Variants in MGRN1 observed in about 807,000 individuals in gnomAD.
MGRN1 encodes the protein E3 ubiquitin-protein ligase MGRN1.
Under a neutral mutation model 69.2 loss-of-function variants are expected in MGRN1, and 29 were observed. The observed-to-expected ratio is 0.42, with a 90% CI of 0.31 to 0.57. MGRN1 has a LOEUF of 0.57. Ranked by LOEUF, MGRN1 falls within the 20% of genes least tolerant of loss-of-function variation. MGRN1 has a pLI of 0.15. For synonymous variants in MGRN1, 470 were observed against 344.2 expected, an observed-to-expected ratio of 1.37 and a Z score of -4.04; for missense variants, 998 against 796.2, an observed-to-expected ratio of 1.25 and a Z score of -3.05.
chr16:4,664,468 TTACTC>T (rs1396133005), intron 5 of MGRN1: 2 of 573,692 alleles, frequency 3.5e-6, no homozygotes, highest in East Asian at 2.9e-5. Context: ...TAGATGTACT[TTACTC>T]AACGCTGTTG....
At chr16:4,628,802 C>T (rs1008096726) in intron 1 of MGRN1, among the ~76,000 whole-genome samples, 1 of 152,008 alleles carries the variant, frequency 6.6e-6, no homozygotes, top group Non-Finnish European at 1.5e-5. Flanking sequence ...GCCTTGGCCT[C>T]CCAAAGTGCT....
chr16:4,629,150 A>ATATT (rs1555445266), intron 1 of MGRN1, among the ~76,000 whole-genome samples: 4,237 of 127,676 alleles, frequency 0.033, 221 homozygotes, highest in African/African-American at 0.12. Context: ...TTCTGTTCGT[A>ATATT]TGTGTGTGTG....
chr16:4,636,069 T>A (rs1256608334), intron 1 of MGRN1, among the ~76,000 whole-genome samples: 1 of 152,120 alleles, frequency 6.6e-6, no homozygotes. Flanking sequence ...CTGCAAGTGC[T>A]GGGATTACAG....
Position 4,682,954 on chromosome 16 carries a change from C to G in MGRN1, c.1482+8C>G. ...GAAAGCAGCTCCCCTGAGGTGAGGCCCCCCCGGGGAAGCTTTGCGCACCCG... is the reference window on the plus strand; with the variant it reads ...GAAAGCAGCTCCCCTGAGGTGAGGCGCCCCCGGGGAAGCTTTGCGCACCCG... On this transcript the variant is annotated splice_region_variant and intron_variant, in intron 14 of 16. Coordinates refer to ENST00000262370, the MANE Select transcript of MGRN1 (RefSeq NM_015246.4). 1 of 1,552,658 alleles carries G rather than the reference C, an allele frequency of 6.4e-7. No individual in the cohort carries two copies.
intron 9 of MGRN1, among the ~76,000 whole-genome samples, chr16:4,672,163 C>G (rs2078952558): frequency 6.6e-6 from 1 of 152,192 alleles, no homozygotes; most frequent in African/African-American, 2.4e-5. Flanking sequence ...CTCGGCCTCC[C>G]AAAGTGCTGG....
intron 4 of MGRN1, among the ~76,000 whole-genome samples, chr16:4,656,817 T>A (rs1295914668): frequency 6.6e-6 from 1 of 151,922 alleles, no homozygotes; most frequent in African/African-American, 2.4e-5. Flanking sequence ...AAGGCAGAGG[T>A]TGCAGTGAGC....
At chr16:4,687,010 C>T in intron 16 of MGRN1, 6 of 985,602 alleles carry the variant, frequency 6.1e-6, no homozygotes, top group Non-Finnish European at 7.2e-6. Context: ...CAGCCACCTG[C>T]TCCCCCGCTC....
intron 1 of MGRN1, among the ~76,000 whole-genome samples, chr16:4,638,864 G>T (rs1333364741): frequency 1.3e-5 from 2 of 152,204 alleles, no homozygotes; most frequent in East Asian, 3.8e-4. Context: ...GATGGCTGAG[G>T]CAGCCCAGTG....
intron 1 of MGRN1, among the ~76,000 whole-genome samples, chr16:4,627,496 G>C (rs4786529): frequency 0.71 from 108,161 of 152,250 alleles, 40,888 homozygotes; most frequent in East Asian, 0.86. Flanking sequence ...ATAGAATTGT[G>C]CAGTCGTCTG....
At chr16:4,676,629 C>T (rs1002964072) in intron 10 of MGRN1, among the ~76,000 whole-genome samples, 3 of 152,166 alleles carry the variant, frequency 2.0e-5, no homozygotes, top group African/African-American at 7.2e-5. Context: ...GGGCTGACGG[C>T]AGATGCATTG....
At chr16:4,640,943 C>A (rs986907801) in intron 1 of MGRN1, among the ~76,000 whole-genome samples, 3 of 152,192 alleles carry the variant, frequency 2.0e-5, no homozygotes, top group Middle Eastern at 3.2e-3. Flanking sequence ...AAAGTGTGGG[C>A]CTTGTCTGCC....
At chr16:4,688,713 TCTGGGGCTCCAGATCGGTAGGAGCGGGTG>T in intron 16 of MGRN1, 54 bp from the exon 17 acceptor site, 6 of 1,477,746 alleles carry the variant, frequency 4.1e-6, no homozygotes, top group Non-Finnish European at 5.4e-6. Flanking sequence ...GCCCAGCCCC[TCTGGGGCTCCAGATCGGTAGGAGCGGGTG>T]GCGTGGCACC....
At chr16:4,636,981 C>T (rs1018720207) in intron 1 of MGRN1, among the ~76,000 whole-genome samples, 6 of 151,564 alleles carry the variant, frequency 4.0e-5, no homozygotes, top group South Asian at 4.2e-4. Context: ...TAGCAGGGCA[C>T]GGTGGCGTGC....
At chr16:4,655,400 A>G (rs762272584) in intron 4 of MGRN1, among the ~76,000 whole-genome samples, 22 of 152,158 alleles carry the variant, frequency 1.4e-4, no homozygotes, top group Non-Finnish European at 2.8e-4. Flanking sequence ...GATGAGAGAA[A>G]TGCCACAGTC....
intron 5 of MGRN1, among the ~76,000 whole-genome samples, chr16:4,662,134 C>T (rs1429078709): frequency 1.3e-5 from 2 of 152,190 alleles, no homozygotes. Context: ...TCCGCTGTAA[C>T]TCCTTTCTTC....
chr16:4,638,541 G>T (rs1028091737), intron 1 of MGRN1, among the ~76,000 whole-genome samples: 1 of 152,186 alleles, frequency 6.6e-6, no homozygotes, highest in Admixed American at 6.5e-5. Context: ...AGGCAGGGAA[G>T]CATGGTAGGC....
At chr16:4,668,698 A>T (rs1473048393) in intron 8 of MGRN1, among the ~76,000 whole-genome samples, 1 of 146,474 alleles carries the variant, frequency 6.8e-6, no homozygotes, top group African/African-American at 2.8e-5. Flanking sequence ...GTACACATAC[A>T]CACATACACT....
intron 4 of MGRN1, among the ~76,000 whole-genome samples, chr16:4,655,800 C>T (rs1004562281): frequency 8.5e-5 from 13 of 152,270 alleles, no homozygotes; most frequent in African/African-American, 3.1e-4. Flanking sequence ...ATTTGAGCTG[C>T]AGGGCAAGCC....
intron 10 of MGRN1, 32 bp downstream of exon 10, chr16:4,673,689 G>C (rs757784255): frequency 1.9e-6 from 3 of 1,608,092 alleles, no homozygotes; most frequent in African/African-American, 2.7e-5. Flanking sequence ...TCTGTGGAAG[G>C]TTCTGGAAAT....
Sources: allele counts gnomAD v4.1 joint callset (sites outside exome capture counted in the v4.1 genomes callset), GRCh38; gene constraint gnomAD v4.1.1; transcripts MANE v1.5; gene names NCBI Gene and HGNC (gene_info 2026-07-23, HGNC 2026-07-21).